PHF14: variants seen among roughly 807,000 people sequenced by gnomAD.
PHF14 encodes the protein PHD finger protein 14.
Under a neutral mutation model 117.9 loss-of-function variants are expected in PHF14, and 55 were observed. The ratio of observed to expected loss-of-function variants is 0.47; its 90% confidence interval spans 0.38 to 0.58. The LOEUF (loss-of-function observed/expected upper bound fraction) is 0.58. Ranked by LOEUF, PHF14 falls within the 20% of genes least tolerant of loss-of-function variation. The probability of loss-of-function intolerance (pLI) is 0.00; values close to 1 mark genes in which losing one functional copy is unlikely to be tolerated. For missense variants in PHF14, 978 were observed against 1,122.2 expected (o/e 0.87, Z 1.84); for synonymous variants, 409 against 368.6 (o/e 1.11, Z -1.26).
chr7:10,980,394 G>A lies in PHF14; in HGVS notation c.113-1978G>A, dbSNP rs554163843. On this transcript the variant is annotated intron_variant, in intron 2 of 17. Transcript: ENST00000634607. The stretch of plus-strand genomic sequence containing the variant: ...AATCTTTCTGTGTCTTAGAAGTGTT[G>A]AGTCAACTCTGGTTATTATTTATTA... 1.1e-4 allele frequency among the ~76,000 whole-genome samples: 16 copies of A among 152,186 alleles called. No individual in the cohort carries two copies. In the South Asian group the frequency reaches 3.3e-3, roughly 32 times the overall value.
At chr7:11,085,485 A>G (rs1192446132) in intron 16 of PHF14, among the ~76,000 whole-genome samples, 2 of 152,330 alleles carry the variant, frequency 1.3e-5, no homozygotes, top group East Asian at 3.9e-4. Flanking sequence ...TTCTAAAGGC[A>G]AAAATTATTG....
At chr7:11,089,120 T>C (rs993684669) in intron 16 of PHF14, among the ~76,000 whole-genome samples, 1 of 150,194 alleles carries the variant, frequency 6.7e-6, no homozygotes, top group Non-Finnish European at 1.5e-5. Flanking sequence ...GTAGCCCTGA[T>C]CAGTTAACCG....
intron 16 of PHF14, among the ~76,000 whole-genome samples, chr7:11,064,007 C>T (rs1383606871): frequency 1.3e-5 from 2 of 151,628 alleles, no homozygotes; most frequent in African/African-American, 2.4e-5. Context: ...AAGATAATAT[C>T]GTAAATTGTC....
chr7:10,999,671 T>A (rs1462200360), intron 4 of PHF14, among the ~76,000 whole-genome samples: 2 of 152,210 alleles, frequency 1.3e-5, no homozygotes, highest in African/African-American at 4.8e-5. Context: ...TGAAAGTTCA[T>A]AATACGACCC....
At chr7:11,029,336 T>G (rs928622768) in intron 7 of PHF14, among the ~76,000 whole-genome samples, 3 of 152,172 alleles carry the variant, frequency 2.0e-5, no homozygotes, top group African/African-American at 7.2e-5. Flanking sequence ...GTTCAAGTAT[T>G]CTGAGTTTAA....
chr7:11,102,498 A>T (rs1787126613), intron 16 of PHF14: 2 of 1,609,526 alleles, frequency 1.2e-6, no homozygotes, highest in Non-Finnish European at 1.7e-6. Context: ...ACCCTTCATG[A>T]GACCCAACTC....
Position 11,105,206 on chromosome 7 carries a change from A to C in PHF14, c.2655-6144A>C, listed in dbSNP as rs1484228245. The C allele has an allele frequency of 4.2e-6, 4 of 962,222 alleles. No homozygotes were observed. In the East Asian group the frequency reaches 4.6e-4, roughly 110 times the overall value. The allele number at this position is 962,222 out of a possible 1,614,324, so 59.6% of individuals were successfully genotyped here. On this transcript the variant is annotated intron_variant, in intron 16 of 17. Coordinates refer to ENST00000634607, the MANE Select transcript of PHF14 (RefSeq NM_001007157.2). ...TTAGCCTTAGCTTTTATCCATCTTA[A>C]CTTTAGAAATTATATTTATGCATTG...
intron 16 of PHF14, 176 bp from the exon 17 acceptor site, chr7:11,111,174 T>A (rs946026418): frequency 4.2e-6 from 2 of 474,274 alleles, no homozygotes; most frequent in African/African-American, 4.0e-5. Context: ...AAAACATTTA[T>A]TTCAGGTTTA....
At position 11,133,234 on chromosome 7, in the gene PHF14, C is replaced by A. The variant is rs1485708698; in HGVS notation, c.2772+21767C>A. On this transcript the variant is annotated intron_variant, in intron 17 of 17. Coordinates refer to ENST00000634607, the MANE Select transcript of PHF14 (RefSeq NM_001007157.2). ...AAGTTTATATGGAAAGGTAGAAAAC[C>A]CAGAATAGCCAACATAATATTAAAG... Among the ~76,000 whole-genome samples the A allele has an allele frequency of 2.6e-5, 4 of 151,760 alleles. No individual in the cohort carries two copies. The East Asian group carries it at 7.7e-4, about 29-fold the overall frequency.
At chr7:11,093,351 GCA>G (rs1401068679) in intron 16 of PHF14, among the ~76,000 whole-genome samples, 4 of 152,248 alleles carry the variant, frequency 2.6e-5, no homozygotes, top group Admixed American at 2.6e-4. Flanking sequence ...CCTGAAAAGG[GCA>G]CACCTGTTCT....
chr7:10,976,161 C>T (rs1204711774), intron 2 of PHF14, among the ~76,000 whole-genome samples: 4 of 152,232 alleles, frequency 2.6e-5, no homozygotes, highest in South Asian at 2.1e-4. Flanking sequence ...AGTTGATGGA[C>T]GGAATCTTAA....
intron 16 of PHF14, chr7:11,102,442 A>T (rs1490870679): frequency 2.5e-6 from 4 of 1,599,370 alleles, no homozygotes; most frequent in Non-Finnish European, 3.4e-6. Flanking sequence ...AGCTGCTATG[A>T]TCTTTAAATG....
chr7:11,159,797 G>A (rs1357250379), intron 17 of PHF14, among the ~76,000 whole-genome samples: 2 of 152,048 alleles, frequency 1.3e-5, no homozygotes, highest in South Asian at 4.2e-4. Flanking sequence ...TTGAGGAAAG[G>A]CAATTTATAG....
intron 13 of PHF14, among the ~76,000 whole-genome samples, chr7:11,045,484 CT>C (rs1192635323): frequency 1.1e-4 from 16 of 152,320 alleles, no homozygotes; most frequent in African/African-American, 3.6e-4. Flanking sequence ...TGTAAGCAAA[CT>C]GTACCTAGAA....
chr7:11,152,422 G>T (rs1250931125), intron 17 of PHF14, among the ~76,000 whole-genome samples: 1 of 151,706 alleles, frequency 6.6e-6, no homozygotes, highest in Non-Finnish European at 1.5e-5. Flanking sequence ...GCTTTTGTGA[G>T]GATTATAAAT....
At chr7:11,102,543 C>T in intron 16 of PHF14, 1 of 1,611,082 alleles carries the variant, frequency 6.2e-7, no homozygotes, top group Non-Finnish European at 8.5e-7. Flanking sequence ...ATCCCGGAAA[C>T]CTCTTTTATA....
At chr7:11,017,266 A>C (rs897583927) in intron 5 of PHF14, among the ~76,000 whole-genome samples, 20 of 152,090 alleles carry the variant, frequency 1.3e-4, no homozygotes, top group African/African-American at 3.9e-4. Context: ...ATGTATACCC[A>C]ACAGTGCAGT....
intron 2 of PHF14, among the ~76,000 whole-genome samples, chr7:10,981,328 T>C (rs1407765226): frequency 6.6e-6 from 1 of 152,132 alleles, no homozygotes; most frequent in Non-Finnish European, 1.5e-5. Flanking sequence ...AACTGGTTTC[T>C]TCCCCATCTC....
intron 3 of PHF14, among the ~76,000 whole-genome samples, chr7:10,983,713 C>T (rs779478089): frequency 5.3e-5 from 8 of 152,088 alleles, no homozygotes; most frequent in Admixed American, 5.2e-4. Flanking sequence ...ATGGGACATA[C>T]ACATAAGTAT....
Sources: allele counts gnomAD v4.1 joint callset (sites outside exome capture counted in the v4.1 genomes callset), GRCh38; gene constraint gnomAD v4.1.1; transcripts MANE v1.5; gene names NCBI Gene and HGNC (gene_info 2026-07-23, HGNC 2026-07-21).